Variants in SLC22A3 observed in about 807,000 individuals in gnomAD.
The protein encoded by SLC22A3 is solute carrier family 22 member 3.
In SLC22A3, 51 loss-of-function variants were observed where a neutral mutation model predicts 59.1. That is an observed-to-expected ratio of 0.86 (90% CI 0.69 to 1.09). The LOEUF (loss-of-function observed/expected upper bound fraction) is 1.09. Ranked by LOEUF, SLC22A3 falls within the 50% of genes least tolerant of loss-of-function variation. The pLI is 0.00. For synonymous variants in SLC22A3, 325 were observed against 292.0 expected (o/e 1.11, Z -1.15); for missense variants, 711 against 726.3 (o/e 0.98, Z 0.24).
At chr6:160,424,752 G>A (rs1041914235) in intron 5 of SLC22A3, among the ~76,000 whole-genome samples, 4 of 152,138 alleles carry the variant, frequency 2.6e-5, no homozygotes, top group African/African-American at 9.7e-5. Flanking sequence ...GATGAATCTT[G>A]GCCTTTTCTG....
chr6:160,371,503 G>A (rs1210289529), intron 1 of SLC22A3, among the ~76,000 whole-genome samples: 1 of 152,162 alleles, frequency 6.6e-6, no homozygotes, highest in Non-Finnish European at 1.5e-5. Context: ...CCCTGCAAAG[G>A]ACATGAACTC....
At chr6:160,352,483 A>T (rs1371007557) in intron 1 of SLC22A3, among the ~76,000 whole-genome samples, 1 of 152,042 alleles carries the variant, frequency 6.6e-6, no homozygotes, top group Non-Finnish European at 1.5e-5. Flanking sequence ...TGATGCTAGG[A>T]TTTTTCAATG....
At chr6:160,350,492 A>C (rs960263793) in intron 1 of SLC22A3, among the ~76,000 whole-genome samples, 1 of 152,178 alleles carries the variant, frequency 6.6e-6, no homozygotes, top group African/African-American at 2.4e-5. Flanking sequence ...AGAGGGCATT[A>C]TCTCTGTGAG....
intron 1 of SLC22A3, among the ~76,000 whole-genome samples, chr6:160,387,323 A>G (rs1786060945): frequency 6.6e-6 from 1 of 151,746 alleles, no homozygotes; most frequent in African/African-American, 2.4e-5. Context: ...CCAAAGACAA[A>G]CTCTTCTCAC....
chr6:160,439,505 C>T (rs1204036546), intron 7 of SLC22A3, among the ~76,000 whole-genome samples: 3 of 152,042 alleles, frequency 2.0e-5, no homozygotes, highest in Admixed American at 2.0e-4. Flanking sequence ...TTCAGAATGA[C>T]CCCAGAAAGC....
At chr6:160,403,854 A>G (rs1786894234) in intron 2 of SLC22A3, among the ~76,000 whole-genome samples, 1 of 152,028 alleles carries the variant, frequency 6.6e-6, no homozygotes, top group South Asian at 2.1e-4. Flanking sequence ...GTATTTGTCA[A>G]AATCCAACAT....
chr6:160,437,722 TA>T (rs1159827918), intron 7 of SLC22A3, among the ~76,000 whole-genome samples: 1 of 152,116 alleles, frequency 6.6e-6, no homozygotes, highest in Non-Finnish European at 1.5e-5. Flanking sequence ...TTTAGAAATA[TA>T]AAAAAATAGA....
At chr6:160,373,896 T>C (rs1170835939) in intron 1 of SLC22A3, among the ~76,000 whole-genome samples, 3 of 152,202 alleles carry the variant, frequency 2.0e-5, no homozygotes, top group African/African-American at 7.2e-5. Context: ...TTCAGACTGC[T>C]GTGCCGGCAG....
chr6:160,410,192 T>G (rs926138003), intron 4 of SLC22A3, among the ~76,000 whole-genome samples: 1 of 152,176 alleles, frequency 6.6e-6, no homozygotes, highest in African/African-American at 2.4e-5. Context: ...AATTTTTGTA[T>G]TTTTAATAGA....
chr6:160,447,504 T>A (rs1217183518), intron 9 of SLC22A3, among the ~76,000 whole-genome samples: 1 of 152,128 alleles, frequency 6.6e-6, no homozygotes, highest in Non-Finnish European at 1.5e-5. Context: ...CTGCCAGGTA[T>A]ACAGGGGCCG....
intron 1 of SLC22A3, among the ~76,000 whole-genome samples, chr6:160,390,053 C>T (rs1786187860): frequency 6.6e-6 from 1 of 152,202 alleles, no homozygotes; most frequent in Non-Finnish European, 1.5e-5. Flanking sequence ...CTTTGATTAA[C>T]TTACTTAGAA....
intron 9 of SLC22A3, among the ~76,000 whole-genome samples, chr6:160,447,094 T>C (rs1788772667): frequency 6.6e-6 from 1 of 152,204 alleles, no homozygotes. Context: ...TTCAAGAAGT[T>C]TGGCTCTAAA....
chr6:160,427,246 A>G (rs905040900), intron 5 of SLC22A3, among the ~76,000 whole-genome samples: 1 of 152,136 alleles, frequency 6.6e-6, no homozygotes, highest in Non-Finnish European at 1.5e-5. Flanking sequence ...GGAAGGCTCC[A>G]TTTTCCTGAG....
At chr6:160,362,622 G>C (rs2114754666) in intron 1 of SLC22A3, among the ~76,000 whole-genome samples, 1 of 152,362 alleles carries the variant, frequency 6.6e-6, no homozygotes, top group African/African-American at 2.4e-5. Flanking sequence ...ACAGGGAGGG[G>C]ACTGAGGGAC....
chr6:160,366,012 G>A (rs1785191749), intron 1 of SLC22A3, among the ~76,000 whole-genome samples: 1 of 152,112 alleles, frequency 6.6e-6, no homozygotes, highest in Non-Finnish European at 1.5e-5. Flanking sequence ...CCTCCCACCA[G>A]GTTCCCCCAT....
At chr6:160,418,348 C>T (rs1212940509) in intron 5 of SLC22A3, among the ~76,000 whole-genome samples, 5 of 152,176 alleles carry the variant, frequency 3.3e-5, no homozygotes, top group Non-Finnish European at 5.9e-5. Flanking sequence ...CAGGGGCTCT[C>T]GGGCCTTTGG....
intron 5 of SLC22A3, among the ~76,000 whole-genome samples, chr6:160,432,432 A>T (rs1251886587): frequency 2.8e-5 from 4 of 141,048 alleles, no homozygotes; most frequent in Admixed American, 1.4e-4. Flanking sequence ...TGTAGGCTTA[A>T]TTTTTTTTTT....
At chr6:160,362,244 A>G (rs1268272784) in intron 1 of SLC22A3, among the ~76,000 whole-genome samples, 1 of 152,220 alleles carries the variant, frequency 6.6e-6, no homozygotes, top group Non-Finnish European at 1.5e-5. Context: ...TTCAATCACC[A>G]AATTTAGTAG....
At chr6:160,426,416 G>T in intron 5 of SLC22A3, 1 of 917,352 alleles carries the variant, frequency 1.1e-6, no homozygotes, top group East Asian at 1.2e-4. Flanking sequence ...TGCAACACTC[G>T]TCTCATGTCC....
Sources: gnomAD v4.1 joint callset for allele counts (sites outside exome capture counted in the v4.1 genomes callset) on GRCh38, gnomAD v4.1.1 for gene constraint, MANE v1.5 for transcripts, NCBI Gene and HGNC (gene_info 2026-07-23, HGNC 2026-07-21) for gene names.